ZFHX3: variants seen among roughly 807,000 people sequenced by gnomAD.
ZFHX3 encodes zinc finger homeobox protein 3.
Under a neutral mutation model 279.1 loss-of-function variants are expected in ZFHX3, and 42 were observed. The observed-to-expected ratio is 0.15, with a 90% CI of 0.12 to 0.19. ZFHX3 has a LOEUF of 0.19. Among genes scored for constraint, ZFHX3 ranks in the 10% least tolerant of loss-of-function variants. ZFHX3 has a pLI of 1.00. For missense variants in ZFHX3, 4,981 were observed against 4,754.0 expected (o/e 1.05, Z -1.40); for synonymous variants, 2,293 against 1,957.8 (o/e 1.17, Z -4.52).
intron 4 of ZFHX3, among the ~76,000 whole-genome samples, chr16:73,298,215 G>GA (rs1312423171): frequency 2.7e-5 from 4 of 147,878 alleles, no homozygotes; most frequent in Non-Finnish European, 5.9e-5. Context: ...ACAAAAATCA[G>GA]AATTTTTTTT....
chr16:73,070,037 TTTTAAA>T (rs1452128320), intron 8 of ZFHX3, among the ~76,000 whole-genome samples: 1 of 152,174 alleles, frequency 6.6e-6, no homozygotes, highest in Non-Finnish European at 1.5e-5. Context: ...CCCTTTCCCA[TTTTAAA>T]GTGCCCCGAA....
At chr16:73,246,578 G>A (rs1254682439) in intron 5 of ZFHX3, among the ~76,000 whole-genome samples, 1 of 152,058 alleles carries the variant, frequency 6.6e-6, no homozygotes, top group Non-Finnish European at 1.5e-5. Flanking sequence ...TTTCCCAGCT[G>A]AACATATCTC....
In ZFHX3 at chr16:73,042,042, G is replaced by A. The variant is rs2144704039; in HGVS notation, c.-50+5710C>T. On this transcript the variant is annotated intron_variant, in intron 1 of 9. Coordinates refer to ENST00000268489, the MANE Select transcript of ZFHX3 (RefSeq NM_006885.4). ...GAAGTCATCAGAAATAGGCCACTCA[G>A]GAGACTGGAAGCATGGGGAGCAGCT... Among the ~76,000 whole-genome samples, 3 of 152,352 alleles carry A rather than the reference G, an allele frequency of 2.0e-5. No homozygotes were observed. In the Middle Eastern group the frequency reaches 0.01, roughly 518 times the overall value.
intron 1 of ZFHX3, among the ~76,000 whole-genome samples, chr16:73,683,470 C>G (rs1230401188): frequency 6.6e-6 from 1 of 152,142 alleles, no homozygotes; most frequent in African/African-American, 2.4e-5. Context: ...CTCAAATCCC[C>G]TGGATAATTT....
intron 7 of ZFHX3, among the ~76,000 whole-genome samples, chr16:73,128,964 G>A (rs1187207130): frequency 6.6e-6 from 1 of 152,168 alleles, no homozygotes; most frequent in Non-Finnish European, 1.5e-5. Context: ...AGATCCTGGG[G>A]AGAAAGGGGC....
chr16:73,002,438 C>A (rs774542725), intron 1 of ZFHX3, among the ~76,000 whole-genome samples: 1 of 152,080 alleles, frequency 6.6e-6, no homozygotes, highest in Non-Finnish European at 1.5e-5. Flanking sequence ...ATACCAGAAT[C>A]GACATATCAC....
At chr16:73,667,989 C>T (rs1332216849) in intron 2 of ZFHX3, among the ~76,000 whole-genome samples, 1 of 152,196 alleles carries the variant, frequency 6.6e-6, no homozygotes, top group African/African-American at 2.4e-5. Context: ...TCATTTAAAG[C>T]TTCATTACAT....
chr16:73,209,397 G>T (rs149159324), intron 5 of ZFHX3, among the ~76,000 whole-genome samples: 152 of 152,230 alleles, frequency 1.0e-3, no homozygotes, highest in African/African-American at 3.4e-3. Flanking sequence ...AGGTCAAGGC[G>T]CCTGCAGGTC....
At chr16:73,672,132 A>C (rs1171783812) in intron 2 of ZFHX3, among the ~76,000 whole-genome samples, 1 of 152,178 alleles carries the variant, frequency 6.6e-6, no homozygotes, top group East Asian at 1.9e-4. Flanking sequence ...TATAAGACAG[A>C]TTCAGATAGC....
At chr16:73,029,527 T>C (rs1229250050) in intron 1 of ZFHX3, among the ~76,000 whole-genome samples, 2 of 152,226 alleles carry the variant, frequency 1.3e-5, no homozygotes, top group Non-Finnish European at 1.5e-5. Flanking sequence ...GAAGTGTGTG[T>C]TGGACGACGG....
intron 3 of ZFHX3, among the ~76,000 whole-genome samples, chr16:72,936,340 G>A (rs1247751107): frequency 1.3e-5 from 2 of 152,234 alleles, no homozygotes; most frequent in East Asian, 1.9e-4. Context: ...ACTGTTCTAA[G>A]CATTAGGGAC....
chr16:73,458,375 C>G (rs1388559785), intron 2 of ZFHX3, among the ~76,000 whole-genome samples: 1 of 133,496 alleles, frequency 7.5e-6, no homozygotes, highest in Non-Finnish European at 1.6e-5. Context: ...CCTCCTTCCT[C>G]CCTCCCTTCC....
chr16:73,325,337 C>T (rs995859757), intron 3 of ZFHX3, among the ~76,000 whole-genome samples: 16 of 152,124 alleles, frequency 1.1e-4, no homozygotes, highest in African/African-American at 3.6e-4. Flanking sequence ...TTAAGATTGC[C>T]TAAAAATGGT....
At chr16:73,708,843 A>G (rs1437638777) in intron 1 of ZFHX3, among the ~76,000 whole-genome samples, 2 of 152,156 alleles carry the variant, frequency 1.3e-5, no homozygotes, top group Admixed American at 1.3e-4. Context: ...ATCTGGGAAA[A>G]GATGAATGGG....
intron 3 of ZFHX3, among the ~76,000 whole-genome samples, chr16:73,426,976 T>C (rs1285117680): frequency 6.6e-6 from 1 of 152,122 alleles, no homozygotes; most frequent in African/African-American, 2.4e-5. Flanking sequence ...TGTGCCTGGG[T>C]GTCTGGCCTG....
chr16:73,259,799 A>G (rs116350029), intron 4 of ZFHX3, among the ~76,000 whole-genome samples: 2,057 of 152,352 alleles, frequency 0.014, 55 homozygotes, highest in African/African-American at 0.047. Context: ...CATGTATATT[A>G]TATGCACACG....
At chr16:73,502,191 A>G (rs2019251257) in intron 2 of ZFHX3, among the ~76,000 whole-genome samples, 1 of 152,232 alleles carries the variant, frequency 6.6e-6, no homozygotes, top group Non-Finnish European at 1.5e-5. Context: ...AGGCTAAGGA[A>G]CACAGCTTTG....
intron 1 of ZFHX3, among the ~76,000 whole-genome samples, chr16:73,832,288 G>T (rs1055785546): frequency 6.6e-6 from 1 of 151,888 alleles, no homozygotes; most frequent in South Asian, 2.1e-4. Flanking sequence ...GCTATATGCT[G>T]AGGTTTCCCA....
intron 1 of ZFHX3, among the ~76,000 whole-genome samples, chr16:73,687,650 T>C (rs908848669): frequency 6.6e-6 from 1 of 151,724 alleles, no homozygotes; most frequent in African/African-American, 2.4e-5. Context: ...GAGACCATCC[T>C]GACCAACATA....
Sources: allele counts gnomAD v4.1 joint callset (sites outside exome capture counted in the v4.1 genomes callset), GRCh38; gene constraint gnomAD v4.1.1; transcripts MANE v1.5; gene names NCBI Gene and HGNC (gene_info 2026-07-23, HGNC 2026-07-21).